The following CDYL2 variants were observed in gnomAD, a reference collection of about 807,000 sequenced individuals.
CDYL2 encodes chromodomain Y-like protein 2.
A neutral mutation model predicts 49.4 loss-of-function variants in CDYL2; 23 were observed. That is an observed-to-expected ratio of 0.47 (90% confidence interval 0.34 to 0.66). The LOEUF (loss-of-function observed/expected upper bound fraction) is 0.66, where lower values mean the gene tolerates loss of function less well. CDYL2 is among the 30% of genes least tolerant of loss of function. CDYL2 has a pLI of 0.01. For missense variants in CDYL2, 678 were observed against 656.4 expected (o/e 1.03, Z -0.36); for synonymous variants, 360 against 268.8 (o/e 1.34, Z -3.32).
intron 1 of CDYL2, among the ~76,000 whole-genome samples, chr16:80,727,601 T>G (rs528635537): frequency 1.3e-5 from 2 of 152,226 alleles, no homozygotes; most frequent in East Asian, 3.9e-4. Context: ...CCACCACAGC[T>G]CAAGGAGGCC....
At chr16:80,614,127 G>A (rs766264918) in intron 4 of CDYL2, among the ~76,000 whole-genome samples, 67 of 152,384 alleles carry the variant, frequency 4.4e-4, no homozygotes, top group Admixed American at 1.2e-3. Context: ...TCAGTAAACA[G>A]CTGTTGAGCA....
intron 1 of CDYL2, among the ~76,000 whole-genome samples, chr16:80,777,072 T>C (rs1221136730): frequency 1.3e-5 from 2 of 152,110 alleles, no homozygotes; most frequent in Admixed American, 6.5e-5. Context: ...TCCGTCCGCC[T>C]TGGCCTCCCA....
chr16:80,724,492 G>C (rs3098597), intron 1 of CDYL2, among the ~76,000 whole-genome samples: 2,248 of 152,176 alleles, frequency 0.015, 53 homozygotes, highest in African/African-American at 0.052. Context: ...TGAAGATCCT[G>C]ACTCCTTGTC....
At chr16:80,675,809 T>C (rs1909721202) in intron 2 of CDYL2, among the ~76,000 whole-genome samples, 1 of 152,128 alleles carries the variant, frequency 6.6e-6, no homozygotes, top group Non-Finnish European at 1.5e-5. Flanking sequence ...CGCTTACTGC[T>C]TGCTCCTGGG....
At chr16:80,773,385 A>G (rs1201173265) in intron 1 of CDYL2, among the ~76,000 whole-genome samples, 3 of 152,160 alleles carry the variant, frequency 2.0e-5, no homozygotes, top group African/African-American at 7.2e-5. Flanking sequence ...CGGAACAGAG[A>G]TTTTTCACAC....
intron 1 of CDYL2, among the ~76,000 whole-genome samples, chr16:80,792,207 T>C (rs532943641): frequency 1.3e-5 from 2 of 152,094 alleles, no homozygotes; most frequent in African/African-American, 4.8e-5. Flanking sequence ...AGGAGAAAAA[T>C]CCAGGCAAAT....
chr16:80,735,671 G>A (rs952124408), intron 1 of CDYL2, among the ~76,000 whole-genome samples: 21 of 152,234 alleles, frequency 1.4e-4, no homozygotes, highest in Middle Eastern at 3.4e-3. Flanking sequence ...GAAAAGCTCC[G>A]GGAAGTTTTG....
chr16:80,797,149 A>T (rs1219983031), intron 1 of CDYL2, among the ~76,000 whole-genome samples: 1 of 152,172 alleles, frequency 6.6e-6, no homozygotes, highest in Non-Finnish European at 1.5e-5. Context: ...CATACTAATT[A>T]TTCCCAATCC....
At chr16:80,742,666 T>C (rs1905784996) in intron 1 of CDYL2, among the ~76,000 whole-genome samples, 1 of 149,466 alleles carries the variant, frequency 6.7e-6, no homozygotes, top group African/African-American at 2.5e-5. Flanking sequence ...GGTGGATGGG[T>C]AGAAAGGGTG....
At chr16:80,727,849 C>CTGGGGGGTGTT (rs1905214303) in intron 1 of CDYL2, among the ~76,000 whole-genome samples, 1 of 152,172 alleles carries the variant, frequency 6.6e-6, no homozygotes, top group Non-Finnish European at 1.5e-5. Context: ...ACTAACACCT[C>CTGGGGGGTGTT]ACACGGCCAG....
Position 80,729,339 on chromosome 16 carries a change from C to A in CDYL2, c.25-44210G>T, listed in dbSNP as rs13333944. On this transcript the variant is annotated intron_variant, in intron 1 of 6. Coordinates refer to ENST00000570137, the MANE Select transcript of CDYL2 (RefSeq NM_152342.4). ...AAACAGACTTTAAACCAACAAAGAT[C>A]AAAAGAGACAAAGAAGGCCATTACA... Among the ~76,000 whole-genome samples, 637 of 151,876 alleles carry A rather than the reference C, an allele frequency of 4.2e-3. 5 individuals carry two copies. Among genetic ancestry groups the A allele is most frequent in the African/African-American group, 0.015 (613 of 41,410 alleles).
At chr16:80,697,790 C>T (rs58594743) in intron 1 of CDYL2, among the ~76,000 whole-genome samples, 134 of 151,690 alleles carry the variant, frequency 8.8e-4, no homozygotes, top group African/African-American at 3.0e-3. Flanking sequence ...AAAAGAAATC[C>T]CATTTACAGT....
intron 1 of CDYL2, among the ~76,000 whole-genome samples, chr16:80,686,189 C>A (rs1910183029): frequency 6.6e-6 from 1 of 152,192 alleles, no homozygotes; most frequent in African/African-American, 2.4e-5. Context: ...GGCAAGAAAA[C>A]CTCCCTTGTC....
intron 2 of CDYL2, among the ~76,000 whole-genome samples, chr16:80,666,717 G>A (rs767134084): frequency 6.6e-6 from 1 of 152,196 alleles, no homozygotes; most frequent in East Asian, 1.9e-4. Flanking sequence ...CTCAAGGAGA[G>A]AAGGAAAGAC....
chr16:80,635,747 T>C (rs1370093759), intron 2 of CDYL2, among the ~76,000 whole-genome samples: 1 of 152,118 alleles, frequency 6.6e-6, no homozygotes, highest in Non-Finnish European at 1.5e-5. Flanking sequence ...AAAGAGTCTG[T>C]ATAGCCAAGG....
chr16:80,693,192 G>A (rs572845464), intron 1 of CDYL2, among the ~76,000 whole-genome samples: 2 of 152,240 alleles, frequency 1.3e-5, no homozygotes, highest in Non-Finnish European at 2.9e-5. Flanking sequence ...TGGGGAAATG[G>A]AAATGTTCTA....
intron 1 of CDYL2, among the ~76,000 whole-genome samples, chr16:80,764,524 A>C (rs1282787037): frequency 6.6e-6 from 1 of 152,172 alleles, no homozygotes; most frequent in East Asian, 1.9e-4. Flanking sequence ...AATCATTATC[A>C]ATACTAAAAT....
chr16:80,804,133 C>G lies in CDYL2; in HGVS notation c.24+17G>C, dbSNP rs1171816401. The stretch of plus-strand genomic sequence containing the variant: ...GCCCGCTGACTGGGGCCGGCCCGCG[C>G]CCCCGCGTCCCCGTACCTCGTAAAG... On this transcript the variant is annotated intron_variant, in intron 1 of 6. Coordinates refer to ENST00000570137, the MANE Select transcript of CDYL2 (RefSeq NM_152342.4). 8.4e-7 allele frequency: 1 copy of G among 1,185,080 alleles called. No homozygotes were observed. Among genetic ancestry groups the G allele is most frequent in the East Asian group, 6.1e-5 (1 of 16,396 alleles). The allele number at this position is 1,185,080 out of a possible 1,614,324, so 73.4% of individuals were successfully genotyped here.
At chr16:80,734,530 G>A (rs992579643) in intron 1 of CDYL2, among the ~76,000 whole-genome samples, 2 of 152,168 alleles carry the variant, frequency 1.3e-5, no homozygotes, top group South Asian at 4.1e-4. Flanking sequence ...AGCAACTGGA[G>A]AGAAACTCAG....
Sources: gnomAD v4.1 joint callset for allele counts (sites outside exome capture counted in the v4.1 genomes callset) on GRCh38, gnomAD v4.1.1 for gene constraint, MANE v1.5 for transcripts, NCBI Gene and HGNC (gene_info 2026-07-23, HGNC 2026-07-21) for gene names.